Variants in IGF2R observed in about 807,000 individuals in gnomAD.
IGF2R encodes insulin like growth factor 2 receptor.
IGF2R carries 91 observed loss-of-function variants against 270.6 expected under a neutral mutation model. That is an observed-to-expected ratio of 0.34 (90% CI 0.28 to 0.40). IGF2R has a LOEUF of 0.40. Ranked by LOEUF, IGF2R falls within the 10% of genes least tolerant of loss-of-function variation. The pLI is 1.00. For synonymous variants in IGF2R, 1,316 were observed against 1,258.9 expected, an observed-to-expected ratio of 1.05 and a Z score of -0.96; for missense variants, 2,805 against 3,188.3, an observed-to-expected ratio of 0.88 and a Z score of 2.90.
In IGF2R at chr6:160,110,682, A is replaced by G. The variant is rs561487343; in HGVS notation, c.*5598A>G. The stretch of plus-strand genomic sequence containing the variant: ...AAAGCCTCAGTGTCTACTGACAAAT[A>G]AAGATGGATCAAGAAAATGCATGTA... On this transcript the variant is annotated 3_prime_UTR_variant, in exon 48 of 48. Transcript: ENST00000356956. 1.3e-5 allele frequency: 2 copies of G among 152,250 alleles called. No individual in the cohort carries two copies. Among genetic ancestry groups the G allele is most frequent in the African/African-American group, 2.4e-5 (1 of 41,462 alleles). 9.4% of individuals were successfully genotyped at this position (152,250 alleles called of 1,614,324 possible). A position where few individuals can be genotyped will look rare whatever the true frequency, so the allele number is the denominator to read the frequency against.
intron 42 of IGF2R, among the ~76,000 whole-genome samples, chr6:160,088,372 C>G (rs974292644): frequency 6.6e-6 from 1 of 152,206 alleles, no homozygotes; most frequent in African/African-American, 2.4e-5. Context: ...TAGCTTGTCT[C>G]TTGAACTAGG....
chr6:159,980,200 A>AAGAAAGGAAGAAAGGAAGAAAGG (rs1562330467), intron 1 of IGF2R, among the ~76,000 whole-genome samples: 13 of 80,758 alleles, frequency 1.6e-4, no homozygotes, highest in African/African-American at 8.3e-4. Flanking sequence ...AGAAAGAAAG[A>AAGAAAGGAAGAAAGGAAGAAAGG]AAGAAAGAAA....
chr6:159,984,792 TC>T (rs1783857218), intron 1 of IGF2R, among the ~76,000 whole-genome samples: 1 of 152,204 alleles, frequency 6.6e-6, no homozygotes, highest in African/African-American at 2.4e-5. Flanking sequence ...CAGTTACACT[TC>T]CTGAGGTTTC....
Position 160,050,326 on chromosome 6 carries a change from T to C in IGF2R, c.2515-147T>C. On this transcript the variant is annotated intron_variant, in intron 18 of 47. Transcript: ENST00000356956. This position sits in a 1 kb window ranked among gnomAD's most constrained non-coding sequence, Gnocchi z 4.0. ...TCTTTGAGGATGGTTTCCTATTCCA[T>C]ATGTAATAAGGGGATTTCCCCAGGA... is the stretch of plus-strand genomic sequence containing the variant. 1.3e-6 allele frequency: 1 copy of C among 792,990 alleles called. No homozygotes were observed. The highest frequency in any genetic ancestry group is 2.0e-6 in the Non-Finnish European group (1 of 499,368). The allele number at this position is 792,990 out of a possible 1,614,324, so 49.1% of individuals were successfully genotyped here.
intron 8 of IGF2R, 107 bp from the exon 9 acceptor site, chr6:160,032,835 G>T (rs1016980064): frequency 2.1e-5 from 29 of 1,396,988 alleles, no homozygotes; most frequent in Non-Finnish European, 2.9e-5. Context: ...CTGTAGTTTG[G>T]GCTGGTGTTT....
rs201271105 is a variant in IGF2R, at chr6:160,068,254, G to A, written c.4121G>A (p.Gly1374Glu). 4 of 1,614,184 alleles carry A rather than the reference G, an allele frequency of 2.5e-6. No individual in the cohort carries two copies. The highest frequency in any genetic ancestry group is 3.4e-6 in the Non-Finnish European group (4 of 1,180,016). ...FDLTECSFKD[G>E]AGNSFDLSSL... ...GCGGGTTTTCTTCTTTTCAGAGATG[G>A]GGCTGGCAACTCCTTCGACCTCTCG... The change falls in exon 30 of 48, where the codon GGG becomes GAG. Residue 1374 changes from glycine to glutamate, a missense_variant. Physicochemically the swap from Gly to Glu is moderately conservative, Grantham distance 98. This residue lies in a region of IGF2R where 1,851 missense variants were observed against 2,207.2 expected (regional missense o/e 0.84). Coordinates refer to ENST00000356956, the MANE Select transcript of IGF2R (RefSeq NM_000876.4).
rs1296482286 is a variant in IGF2R at position 160,084,042 on chromosome 6, G to C, written c.5926G>C (p.Asp1976His). Residue 1976 changes from aspartate to histidine, a missense_variant, in exon 40 of 48, where the codon GAT (aspartate) becomes CAT (histidine). Coordinates refer to ENST00000356956, the MANE Select transcript of IGF2R (RefSeq NM_000876.4). The surrounding 1 kb of genome is among the most constrained non-coding windows in gnomAD (Gnocchi z 4.6). Reference protein sequence around the residue: ...PQVFSEVRGCDVTFEWKTKVV... With the variant: ...PQVFSEVRGCHVTFEWKTKVV... ...AGTCTTCAGTGAAGTGCGTGGGTGT[G>C]ATGTGACATTTGAGTGGAAAACAAA... 3 of 1,614,030 alleles carry C rather than the reference G, an allele frequency of 1.9e-6. No homozygotes were observed. Among genetic ancestry groups the C allele is most frequent in the East Asian group, 2.2e-5 (1 of 44,892 alleles).
chr6:160,106,947 A>G lies in IGF2R; in HGVS notation c.*1863A>G, dbSNP rs1779634044. The stretch of plus-strand genomic sequence containing the variant: ...AGTTTTCCATCTTAAATTACTCAGC[A>G]GTGACTGAGAGCTACCTGCATGGAA... On this transcript the variant is annotated 3_prime_UTR_variant, in exon 48 of 48. Transcript: ENST00000356956. 3 of 152,188 alleles carry G rather than the reference A, an allele frequency of 2.0e-5. No homozygotes were observed. The highest frequency in any genetic ancestry group is 7.2e-5 in the African/African-American group (3 of 41,426). The allele number at this position is 152,188 out of a possible 1,614,324, so 9.4% of individuals were successfully genotyped here.
intron 21 of IGF2R, among the ~76,000 whole-genome samples, chr6:160,058,547 A>G (rs1250326756): frequency 6.6e-6 from 1 of 152,218 alleles, no homozygotes; most frequent in Non-Finnish European, 1.5e-5. Flanking sequence ...TGTAATTAAC[A>G]TGATTTCAAT....
At chr6:160,043,833 C>T (rs1778001866) in intron 12 of IGF2R, among the ~76,000 whole-genome samples, 1 of 152,132 alleles carries the variant, frequency 6.6e-6, no homozygotes, top group Non-Finnish European at 1.5e-5. Context: ...AAATGCCAGG[C>T]TATGAGAATA....
In IGF2R at chr6:160,079,584, C is replaced by T; in HGVS notation, c.5483C>T (p.Thr1828Ile). The change falls in exon 38 of 48, where the codon ACT becomes ATT. Residue 1828 changes from threonine to isoleucine, a missense_variant. Transcript: ENST00000356956. ...CCACGCATGGTTTTTGTCCAGGTGA[C>T]TCGCGACTCGCGCACCTACAGCGTT... is the stretch of plus-strand genomic sequence containing the variant. ...SSLSTSTFKV[T>I]RDSRTYSVGV... 1 of 1,432,468 alleles carries T rather than the reference C, an allele frequency of 7.0e-7. No homozygotes were observed. 88.7% of individuals were successfully genotyped at this position (1,432,468 alleles called of 1,614,324 possible).
intron 16 of IGF2R, 83 bp downstream of exon 16, chr6:160,047,419 G>A: frequency 8.1e-7 from 1 of 1,236,862 alleles, no homozygotes; most frequent in Non-Finnish European, 1.1e-6. Flanking sequence ...GCTTGTATCA[G>A]TCTGGGTTTC....
chr6:160,066,250 C>T lies in IGF2R; in HGVS notation c.4115+1349C>T, dbSNP rs549752505. Among the ~76,000 whole-genome samples the T allele has an allele frequency of 3.3e-3, 506 of 152,070 alleles. 5 individuals are homozygous for T. Among genetic ancestry groups the T allele is most frequent in the African/African-American group, 0.012 (490 of 41,500 alleles). On this transcript the variant is annotated intron_variant, in intron 29 of 47. Transcript: ENST00000356956. ...CAGGCTGGTCTCGAACTCTTGACCT[C>T]GTGATTCGCCCGCCTTGGCCTCCCA...
At chr6:160,101,445 A>G (rs1779482502) in intron 45 of IGF2R, among the ~76,000 whole-genome samples, 1 of 152,046 alleles carries the variant, frequency 6.6e-6, no homozygotes, top group Non-Finnish European at 1.5e-5. Flanking sequence ...CTAGAACTGG[A>G]CGCCAGGCTG....
In IGF2R at chr6:160,068,230, C is replaced by CG. The variant is rs1562365609; in HGVS notation, c.4116-16dup. The CG allele has an allele frequency of 6.2e-7, 1 of 1,613,662 alleles. No individual in the cohort carries two copies. The highest frequency in any genetic ancestry group is 2.2e-5 in the East Asian group (1 of 44,888). ...GAATACGACCAAGCCTAACTAACTG[C>CG]GGGTTTTCTTCTTTTCAGAGATGGG... is the stretch of plus-strand genomic sequence containing the variant. On this transcript the variant is annotated intron_variant, in intron 29 of 47. Transcript: ENST00000356956.
At chr6:160,103,572 A>G (rs1779542353) in intron 46 of IGF2R, among the ~76,000 whole-genome samples, 174 bp from the exon 47 acceptor site, 2 of 151,922 alleles carry the variant, frequency 1.3e-5, no homozygotes, top group African/African-American at 4.8e-5. Context: ...CACAACAAAT[A>G]CATTAGGGTA....
intron 2 of IGF2R, among the ~76,000 whole-genome samples, chr6:160,001,656 T>G (rs1784131665): frequency 6.6e-6 from 1 of 152,098 alleles, no homozygotes; most frequent in Admixed American, 6.5e-5. Flanking sequence ...TAAACAATAT[T>G]ACATTATTTT....
chr6:160,082,431 T>G (rs573401463), intron 39 of IGF2R, among the ~76,000 whole-genome samples: 24 of 152,136 alleles, frequency 1.6e-4, no homozygotes, highest in East Asian at 1.2e-3. Flanking sequence ...TGCCTCAGCC[T>G]CCCAAGTAGC....
intron 4 of IGF2R, among the ~76,000 whole-genome samples, chr6:160,012,745 T>TTATATATATATATGTA (rs1784353961): frequency 9.5e-6 from 1 of 105,310 alleles, no homozygotes; most frequent in Non-Finnish European, 2.0e-5. Context: ...CCCGGCTAAT[T>TTATATATATATATGTA]TATATATATA....
Sources: gnomAD v4.1 joint callset for allele counts (sites outside exome capture counted in the v4.1 genomes callset) on GRCh38, gnomAD v4.1.1 for gene constraint, gnomAD v4.1.1 regional missense constraint, Gnocchi (gnomAD v3.1) non-coding constraint, MANE v1.5 for transcripts, NCBI Gene and HGNC (gene_info 2026-07-23, HGNC 2026-07-21) for gene names.